Variants in THRAP3 observed in about 807,000 individuals in gnomAD.
THRAP3 encodes thyroid hormone receptor-associated protein 3.
In THRAP3, 16 loss-of-function variants were observed where a neutral mutation model predicts 101.0. The ratio of observed to expected loss-of-function variants is 0.16; its 90% CI spans 0.11 to 0.24. The LOEUF (loss-of-function observed/expected upper bound fraction) is 0.24. Ranked by LOEUF, THRAP3 falls within the 10% of genes least tolerant of loss-of-function variation. The pLI, the probability that THRAP3 is intolerant of heterozygous loss-of-function variation, is 1.00. For synonymous variants in THRAP3, 407 were observed against 422.6 expected (o/e 0.96, Z 0.45); for missense variants, 989 against 1,202.7 (o/e 0.82, Z 2.63).
At chr1:36,279,996 A>G (rs1297376936) in intron 2 of THRAP3, among the ~76,000 whole-genome samples, 1 of 152,186 alleles carries the variant, frequency 6.6e-6, no homozygotes, top group Non-Finnish European at 1.5e-5. Flanking sequence ...AAATGTGCCA[A>G]CGGTGAGGCT....
chr1:36,270,762 A>C (rs1645581260), intron 2 of THRAP3, among the ~76,000 whole-genome samples: 1 of 151,738 alleles, frequency 6.6e-6, no homozygotes, highest in Non-Finnish European at 1.5e-5. Context: ...TTTTTAGTAG[A>C]GATGAGGTTT....
In THRAP3 at chr1:36,286,644, G is replaced by A. The variant is rs2937374; in HGVS notation, c.414G>A (p.Arg138=). Residue 138 remains arginine, a synonymous_variant, in exon 4 of 12, where the codon AGG becomes AGA. Transcript: ENST00000354618. This position sits in a 1 kb window ranked among gnomAD's most constrained non-coding sequence, Gnocchi z 5.5. ...CAAAGAGAAGGTCCCCTTCACCAAG[G>A]TCCAGGAGCCATTCTAGAAACTCTG... The part of the protein sequence containing the change: ...RSPKRRSPSP[R]SRSHSRNSDK... The A allele has an allele frequency of 6.3e-3, 10,194 of 1,614,078 alleles. 588 individuals are homozygous for A. The African/African-American group carries it at 0.12, about 19-fold the overall frequency.
At chr1:36,265,459 CTTTTTTTTT>C (rs60539096) in intron 2 of THRAP3, among the ~76,000 whole-genome samples, 1 of 104,820 alleles carries the variant, frequency 9.5e-6, no homozygotes, top group African/African-American at 3.4e-5. Context: ...AGACAGGAAA[CTTTTTTTTT>C]TTTTTTTTTT....
rs555028635 is a variant in THRAP3, at chr1:36,237,616, C to T, written c.-135+13111C>T. 1.2e-3 allele frequency among the ~76,000 whole-genome samples: 186 copies of T among 151,920 alleles called. 1 individual carries two copies. Among genetic ancestry groups the T allele is most frequent in the African/African-American group, 4.2e-3 (175 of 41,444 alleles). On this transcript the variant is annotated intron_variant, in intron 1 of 11. Transcript: ENST00000354618. Reference sequence around the variant, plus strand: ...TGAAACCCCCTCTCTACTAAAAATACAAAAGTTAGCCAGGCATTGTGGCGG... The same window carrying T: ...TGAAACCCCCTCTCTACTAAAAATATAAAAGTTAGCCAGGCATTGTGGCGG...
chr1:36,241,718 A>G (rs1446189644), intron 1 of THRAP3, among the ~76,000 whole-genome samples: 43 of 151,636 alleles, frequency 2.8e-4, no homozygotes, highest in Non-Finnish European at 2.5e-4. Context: ...AGCTAGGACT[A>G]CAGGCACCCA....
At chr1:36,210,706 T>TATATATATG in the THRAP3 span, among the ~76,000 whole-genome samples, 1 of 3,230 alleles carries the variant, frequency 3.1e-4, no homozygotes, top group Non-Finnish European at 4.6e-4. Flanking sequence ...AAAAAAAGTA[T>TATATATATG]ATATATATAT....
intron 1 of THRAP3, among the ~76,000 whole-genome samples, 156 bp from the exon 2 acceptor site, chr1:36,259,224 CAG>C (rs1278304162): frequency 6.6e-6 from 1 of 152,190 alleles, no homozygotes; most frequent in Non-Finnish European, 1.5e-5. Flanking sequence ...ACCTGTCAGA[CAG>C]AGGCAGACCA....
chr1:36,277,545 C>T (rs1023684088), intron 2 of THRAP3, among the ~76,000 whole-genome samples: 1 of 151,396 alleles, frequency 6.6e-6, no homozygotes, highest in Non-Finnish European at 1.5e-5. Context: ...CGTGCTTTGT[C>T]ACCCAGGCTG....
rs1481567611 is a variant in THRAP3 at position 36,288,898 on chromosome 1, A to G, written c.1041-162A>G. 3.0e-6 allele frequency: 3 copies of G among 985,272 alleles called. No individual in the cohort carries two copies. The African/African-American group carries it at 5.2e-5, about 17-fold the overall frequency. 61.0% of individuals were successfully genotyped at this position (985,272 alleles called of 1,614,324 possible). A position where few individuals can be genotyped will look rare whatever the true frequency, so the allele number is the denominator to read the frequency against. ...CATAGAACTGTGAATGGCAGTTTTC[A>G]GAAATTATTACGAAGTAACCGCCTA... On this transcript the variant is annotated intron_variant, in intron 4 of 11. Transcript: ENST00000354618.
rs373689420 is a variant in THRAP3 at position 36,304,058 on chromosome 1, G to T, written c.*41G>T. ...GGATTCCTGCCCAGGGGAGAGAGGC[G>T]CTGGGAAGATGGCTGGTGAGGAGCT... On this transcript the variant is annotated 3_prime_UTR_variant, in exon 12 of 12. Coordinates refer to ENST00000354618, the MANE Select transcript of THRAP3 (RefSeq NM_005119.4). The T allele has an allele frequency of 4.8e-6, 7 of 1,461,988 alleles. No homozygotes were observed. The Admixed American group carries it at 1.7e-4, about 35-fold the overall frequency. 90.6% of individuals were successfully genotyped at this position (1,461,988 alleles called of 1,614,324 possible). A position where few individuals can be genotyped will look rare whatever the true frequency, so the allele number is the denominator to read the frequency against.
chr1:36,271,360 G>C (rs561075648), intron 2 of THRAP3, among the ~76,000 whole-genome samples: 1 of 150,708 alleles, frequency 6.6e-6, no homozygotes, highest in East Asian at 1.9e-4. Context: ...TCTGCTCACT[G>C]CAACCTCCGC....
chr1:36,295,954 CTTTTTTTTTTTTTTTTTTTTT>C (rs575028397), intron 8 of THRAP3, among the ~76,000 whole-genome samples: 17 of 60,498 alleles, frequency 2.8e-4, no homozygotes, highest in Admixed American at 2.7e-3. Flanking sequence ...GCCTTCTCAA[CTTTTTTTTTTTTTTTTTTTTT>C]TTTTTTTTTT....
intron 1 of THRAP3, among the ~76,000 whole-genome samples, chr1:36,234,556 G>C: frequency 6.6e-6 from 1 of 152,098 alleles, no homozygotes; most frequent in East Asian, 1.9e-4. Flanking sequence ...AGGTATTTCT[G>C]AATAGTAAAG....
chr1:36,278,009 T>C (rs1046126607), intron 2 of THRAP3, among the ~76,000 whole-genome samples: 1 of 151,392 alleles, frequency 6.6e-6, no homozygotes, highest in Non-Finnish European at 1.5e-5. Context: ...GTGATCCACC[T>C]GCCTTGGCCT....
intron 2 of THRAP3, among the ~76,000 whole-genome samples, chr1:36,269,929 G>A (rs1017911579): frequency 6.6e-6 from 1 of 152,042 alleles, no homozygotes; most frequent in Non-Finnish European, 1.5e-5. Flanking sequence ...ATACACAAAA[G>A]GAGCTGCAGA....
chr1:36,291,344 T>G, intron 5 of THRAP3, 30 bp from the exon 6 acceptor site: 1 of 1,606,894 alleles, frequency 6.2e-7, no homozygotes, highest in South Asian at 1.1e-5. Context: ...TATTGTGTTC[T>G]AATTGGGCCT....
chr1:36,248,080 A>G (rs904484645), intron 1 of THRAP3, among the ~76,000 whole-genome samples: 2 of 151,942 alleles, frequency 1.3e-5, no homozygotes, highest in Admixed American at 1.3e-4. Flanking sequence ...GGGTTTCACC[A>G]TGTTGGCCAA....
At chr1:36,265,634 A>C (rs1329261444) in intron 2 of THRAP3, among the ~76,000 whole-genome samples, 1 of 152,142 alleles carries the variant, frequency 6.6e-6, no homozygotes, top group Admixed American at 6.6e-5. Flanking sequence ...AGCAATTGTG[A>C]AATCTGCTTT....
At chr1:36,224,908 C>T (rs765783503) in intron 1 of THRAP3, 2 of 152,328 alleles carry the variant, frequency 1.3e-5, no homozygotes, top group Admixed American at 6.5e-5. Flanking sequence ...CTGGTTCGGT[C>T]TTCTCCTAGG....
Sources: allele counts gnomAD v4.1 joint callset (sites outside exome capture counted in the v4.1 genomes callset), GRCh38; gene constraint gnomAD v4.1.1; non-coding constraint Gnocchi (gnomAD v3.1); transcripts MANE v1.5; gene names NCBI Gene and HGNC (gene_info 2026-07-23, HGNC 2026-07-21).